The following CCR6 variants were observed in gnomAD, a reference collection of about 807,000 sequenced individuals.
CCR6 encodes C-C chemokine receptor type 6.
CCR6 carries 2 observed loss-of-function variants against 3.0 expected under a neutral mutation model. The ratio of observed to expected loss-of-function variants is 0.66; its 90% CI spans 0.27 to 2.07. The LOEUF is 2.07. Among genes scored for constraint, CCR6 ranks in the 30% most tolerant of loss-of-function variants. The pLI is 0.14. For synonymous variants in CCR6, 193 were observed against 184.3 expected, an observed-to-expected ratio of 1.05 and a Z score of -0.38; for missense variants, 322 against 462.8, an observed-to-expected ratio of 0.70 and a Z score of 2.79.
At chr6:167,125,441 C>T (rs978019194) in intron 1 of CCR6, among the ~76,000 whole-genome samples, 29 of 152,226 alleles carry the variant, frequency 1.9e-4, no homozygotes, top group African/African-American at 4.8e-4. Context: ...CAGCTCTCAC[C>T]GGCCTTCCCT....
In CCR6 at chr6:167,138,610, A is replaced by T. The variant is rs1319858943; in HGVS notation, c.*1255A>T. 2 of 152,356 alleles carry T rather than the reference A, an allele frequency of 1.3e-5. No homozygotes were observed. Among genetic ancestry groups the T allele is most frequent in the Admixed American group, 1.3e-4 (2 of 15,282 alleles). 9.4% of individuals were successfully genotyped at this position (152,356 alleles called of 1,614,324 possible). A position where few individuals can be genotyped will look rare whatever the true frequency, so the allele number is the denominator to read the frequency against. ...CATTAGAAAAATAGCAACTTGTGTTACAAAAATACAAACACATGTTAGGAA... is the reference window on the plus strand; with the variant it reads ...CATTAGAAAAATAGCAACTTGTGTTTCAAAAATACAAACACATGTTAGGAA... On this transcript the variant is annotated 3_prime_UTR_variant, in exon 3 of 3. Coordinates refer to ENST00000341935, the MANE Select transcript of CCR6 (RefSeq NM_031409.4).
rs1437539234 is a variant in CCR6 at position 167,136,115 on chromosome 6, T to C, written c.-20T>C. 1.9e-6 allele frequency: 3 copies of C among 1,613,368 alleles called. No individual in the cohort carries two copies. The African/African-American group carries it at 4.0e-5, about 22-fold the overall frequency. On this transcript the variant is annotated 5_prime_UTR_variant, in exon 2 of 3. Coordinates refer to ENST00000341935, the MANE Select transcript of CCR6 (RefSeq NM_031409.4). The surrounding 1 kb of genome is among the most constrained non-coding windows in gnomAD (Gnocchi z 4.6). ...ATACACTCCTTTTTCTACAACCAGC[T>C]TGCATTTTTTCTGCCCACAATGAGC...
chr6:167,134,596 C>T (rs1448336187), intron 1 of CCR6, among the ~76,000 whole-genome samples: 2 of 152,184 alleles, frequency 1.3e-5, no homozygotes, highest in Admixed American at 1.3e-4. Flanking sequence ...GCTTCCTCTC[C>T]AAAAGGTCAG....
In CCR6 at chr6:167,136,528, C is replaced by T; in HGVS notation, c.298C>T (p.Pro100Ser). 6.3e-7 allele frequency: 1 copy of T among 1,590,920 alleles called. No individual in the cohort carries two copies. Among genetic ancestry groups the T allele is most frequent in the Non-Finnish European group, 8.6e-7 (1 of 1,167,466 alleles). The stretch of plus-strand genomic sequence containing the variant: ...AGACATCCTCTTTGTTCTTACTCTC[C>T]CATTCTGGGCAGTGAGTCATGCCAC... ...IADILFVLTL[P>S]FWAVSHATGA... Residue 100 changes from proline (P) to serine (S), a missense_variant, in exon 3 of 3, where the codon CCA becomes TCA. Physicochemically the swap from Pro to Ser is moderately conservative, Grantham distance 74. Coordinates refer to ENST00000341935, the MANE Select transcript of CCR6 (RefSeq NM_031409.4). This position sits in a 1 kb window ranked among gnomAD's most constrained non-coding sequence, Gnocchi z 4.6.
chr6:167,132,918 A>G (rs1781793231), intron 1 of CCR6, among the ~76,000 whole-genome samples: 1 of 152,116 alleles, frequency 6.6e-6, no homozygotes. Flanking sequence ...TTTGCCATCC[A>G]TGTATTTTCC....
rs1052778785 is a variant in CCR6 at position 167,111,893 on chromosome 6, C to T, written c.-219C>T. ...AAGGTCCCCAGGACTCTGTGGTCAT[C>T]AGTAAGAGAGGGCCCACGTGTATAT... is the stretch of plus-strand genomic sequence containing the variant. On this transcript the variant is annotated 5_prime_UTR_variant, in exon 1 of 3. Coordinates refer to the CCR6 transcript ENST00000400926. 5 of 152,274 alleles carry T rather than the reference C, an allele frequency of 3.3e-5. 1 individual carries two copies. The South Asian group carries it at 1.0e-3, about 32-fold the overall frequency. 9.4% of individuals were successfully genotyped at this position (152,274 alleles called of 1,614,324 possible).
intron 1 of CCR6, among the ~76,000 whole-genome samples, chr6:167,135,593 G>A (rs373831374): frequency 2.6e-5 from 4 of 152,188 alleles, no homozygotes; most frequent in Non-Finnish European, 5.9e-5. Flanking sequence ...TTTTCTATGC[G>A]CTTTCACACT....
intron 1 of CCR6, among the ~76,000 whole-genome samples, chr6:167,127,770 C>G (rs3093017): frequency 0.61 from 92,018 of 152,062 alleles, 28,110 homozygotes; most frequent in African/African-American, 0.68. Context: ...CAAGGTTCTG[C>G]GATTACAGGT....
upstream of CCR6, among the ~76,000 whole-genome samples, chr6:167,122,395 A>G (rs1291830242): frequency 6.6e-6 from 1 of 152,168 alleles, no homozygotes; most frequent in Non-Finnish European, 1.5e-5. The surrounding 1 kb of genome is among the most constrained non-coding windows in gnomAD (Gnocchi z 4.2). Flanking sequence ...GCTTTCCTTG[A>G]TATGTCTAAA....
At chr6:167,119,056 A>T, upstream of CCR6, 1 of 152,158 alleles carries the variant, frequency 6.6e-6, no homozygotes, top group East Asian at 1.9e-4. Flanking sequence ...TCCTGCAGCC[A>T]CCCTCCCCAG....
At chr6:167,123,071 T>G (rs1344283905), upstream of CCR6, 2 of 152,802 alleles carry the variant, frequency 1.3e-5, no homozygotes, top group Non-Finnish European at 2.9e-5. Flanking sequence ...CAGAACTTGC[T>G]TTTGGGCAAT....
At chr6:167,121,850 A>G (rs116339526), upstream of CCR6, among the ~76,000 whole-genome samples, 79 of 152,312 alleles carry the variant, frequency 5.2e-4, no homozygotes, top group African/African-American at 1.8e-3. Flanking sequence ...CCCCGTGACC[A>G]TAGGTCTGCA....
intron 1 of CCR6, among the ~76,000 whole-genome samples, chr6:167,124,049 T>C (rs1163389290): frequency 6.6e-6 from 1 of 151,946 alleles, no homozygotes; most frequent in Non-Finnish European, 1.5e-5. Flanking sequence ...GAGGCGGAGG[T>C]TGCAGTGAGC....
At chr6:167,129,340 CTGAG>C (rs1213484616) in intron 1 of CCR6, 1 of 152,400 alleles carries the variant, frequency 6.6e-6, no homozygotes, top group East Asian at 1.9e-4. Flanking sequence ...TGTGACATGA[CTGAG>C]TGTTACCAAA....
intron 1 of CCR6, among the ~76,000 whole-genome samples, chr6:167,125,460 C>T (rs1582996451): frequency 6.6e-6 from 1 of 152,346 alleles, no homozygotes; most frequent in South Asian, 2.1e-4. Flanking sequence ...CTCTTTGCTA[C>T]CACCACAGAG....
At chr6:167,114,493 C>A (rs771484214) in intron 1 of CCR6, among the ~76,000 whole-genome samples, 10 of 152,140 alleles carry the variant, frequency 6.6e-5, no homozygotes, top group Non-Finnish European at 1.2e-4. Context: ...ACTTGGAAAC[C>A]CTTCTTCCAG....
chr6:167,114,121 CA>C (rs1225469363), intron 1 of CCR6, among the ~76,000 whole-genome samples: 1 of 152,172 alleles, frequency 6.6e-6, no homozygotes, highest in African/African-American at 2.4e-5. Flanking sequence ...GGCCCTTCGG[CA>C]GCCGGCGCAT....
rs775586288 is a variant in CCR6, at chr6:167,136,935, G to T, written c.705G>T (p.Thr235=). 1 of 1,614,130 alleles carries T rather than the reference G, an allele frequency of 6.2e-7. No homozygotes were observed. The highest frequency in any genetic ancestry group is 8.5e-7 in the Non-Finnish European group (1 of 1,180,038). ...TGATGTTCATGATATTTTGTTACAC[G>T]TTCATTGTCAAAACCTTGGTGCAAG... The part of the protein sequence containing the change: ...IPLMFMIFCY[T]FIVKTLVQAQ... The change falls in exon 3 of 3, where the codon ACG becomes ACT. Residue 235 remains threonine, a synonymous_variant. Coordinates refer to ENST00000341935, the MANE Select transcript of CCR6 (RefSeq NM_031409.4). This position sits in a 1 kb window ranked among gnomAD's most constrained non-coding sequence, Gnocchi z 4.6.
upstream of CCR6, among the ~76,000 whole-genome samples, chr6:167,118,114 T>C (rs966812829): frequency 6.6e-6 from 1 of 152,114 alleles, no homozygotes; most frequent in African/African-American, 2.4e-5. Flanking sequence ...TTACAACCTC[T>C]CCATGCAAGA....
Sources: gnomAD v4.1 joint callset for allele counts (sites outside exome capture counted in the v4.1 genomes callset) on GRCh38, gnomAD v4.1.1 for gene constraint, Gnocchi (gnomAD v3.1) non-coding constraint, MANE v1.5 for transcripts, NCBI Gene and HGNC (gene_info 2026-07-23, HGNC 2026-07-21) for gene names.